Variants in CSMD1 observed in about 807,000 individuals in gnomAD.
CSMD1 encodes the protein CUB and Sushi multiple domains 1.
Under a neutral mutation model 417.5 loss-of-function variants are expected in CSMD1, and 213 were observed. The ratio of observed to expected loss-of-function variants is 0.51; its 90% CI spans 0.46 to 0.57. The LOEUF (loss-of-function observed/expected upper bound fraction) is 0.57. Ranked by LOEUF, CSMD1 falls within the 20% of genes least tolerant of loss-of-function variation. The pLI, the probability that CSMD1 is intolerant of heterozygous loss-of-function variation, is 0.00. For missense variants in CSMD1, 6,923 were observed against 4,529.7 expected (o/e 1.53, Z -15.17); for synonymous variants, 2,862 against 1,736.8 (o/e 1.65, Z -16.11).
intron 3 of CSMD1, among the ~76,000 whole-genome samples, chr8:4,377,255 G>A (rs764174458): frequency 6.6e-6 from 1 of 152,156 alleles, no homozygotes; most frequent in Non-Finnish European, 1.5e-5. Context: ...ATTAAACAAA[G>A]CAACTATCAC....
intron 3 of CSMD1, among the ~76,000 whole-genome samples, chr8:4,059,469 G>T (rs148227282): frequency 0.14 from 21,257 of 151,554 alleles, 1,200 homozygotes; most frequent in Middle Eastern, 0.24. Context: ...AAATAGAGAT[G>T]CAAATAACCC....
At chr8:4,601,408 G>C (rs535559016) in intron 2 of CSMD1, among the ~76,000 whole-genome samples, 13 of 152,274 alleles carry the variant, frequency 8.5e-5, no homozygotes, top group Admixed American at 3.3e-4. Flanking sequence ...CATTAGGATA[G>C]TTCTTCACAG....
At chr8:3,575,757 G>C (rs924554659) in intron 9 of CSMD1, among the ~76,000 whole-genome samples, 3 of 151,422 alleles carry the variant, frequency 2.0e-5, no homozygotes, top group South Asian at 2.1e-4. Flanking sequence ...GAAAGACTGA[G>C]TGAAGCATAG....
intron 6 of CSMD1, among the ~76,000 whole-genome samples, chr8:3,741,812 C>T (rs1052395714): frequency 7.2e-5 from 11 of 152,150 alleles, no homozygotes; most frequent in African/African-American, 2.4e-4. Flanking sequence ...GGCCCTTCTA[C>T]CCTTTCTTTC....
chr8:4,398,486 G>C (rs1460621080), intron 3 of CSMD1, among the ~76,000 whole-genome samples: 1 of 140,724 alleles, frequency 7.1e-6, no homozygotes, highest in African/African-American at 2.6e-5. Context: ...CTCCTCTCCT[G>C]GGTTCACGCC....
intron 5 of CSMD1, among the ~76,000 whole-genome samples, chr8:3,817,509 G>C (rs760881333): frequency 1.3e-5 from 2 of 151,772 alleles, no homozygotes; most frequent in Non-Finnish European, 2.9e-5. Context: ...TCAATCTCCT[G>C]ACCTTGTGAT....
intron 1 of CSMD1, among the ~76,000 whole-genome samples, chr8:4,947,448 T>A (rs1267936569): frequency 6.6e-6 from 1 of 152,122 alleles, no homozygotes; most frequent in African/African-American, 2.4e-5. Context: ...GAAATGTCAA[T>A]ATTTGACTTG....
chr8:3,649,736 G>T (rs1797752837), intron 7 of CSMD1, among the ~76,000 whole-genome samples: 1 of 152,094 alleles, frequency 6.6e-6, no homozygotes, highest in Non-Finnish European at 1.5e-5. Flanking sequence ...TTTGAGTGGG[G>T]ACACAAAGCC....
intron 2 of CSMD1, among the ~76,000 whole-genome samples, chr8:4,479,670 T>G (rs1168966816): frequency 6.6e-6 from 1 of 151,940 alleles, no homozygotes; most frequent in Non-Finnish European, 1.5e-5. Flanking sequence ...TCCAGGTGGG[T>G]AGACCACGAG....
chr8:4,655,035 CA>C (rs200658889), intron 1 of CSMD1, among the ~76,000 whole-genome samples: 8,482 of 143,650 alleles, frequency 0.059, 324 homozygotes, highest in East Asian at 0.099. Flanking sequence ...GATGTACCTC[CA>C]AAAAAAAAAA....
chr8:3,729,922 T>C (rs1302311825), intron 6 of CSMD1, among the ~76,000 whole-genome samples: 1 of 47,062 alleles, frequency 2.1e-5, no homozygotes, highest in African/African-American at 1.4e-4. Flanking sequence ...CAATTCAAAG[T>C]AAAAAAAAAA....
intron 3 of CSMD1, among the ~76,000 whole-genome samples, chr8:4,327,164 A>G (rs1486793902): frequency 6.6e-6 from 1 of 152,212 alleles, no homozygotes; most frequent in African/African-American, 2.4e-5. Context: ...CAAATGTTAG[A>G]TACATTATTG....
chr8:3,832,516 T>C (rs1000866860), intron 5 of CSMD1, among the ~76,000 whole-genome samples: 3 of 152,190 alleles, frequency 2.0e-5, no homozygotes, highest in Admixed American at 1.3e-4. Flanking sequence ...TAGCATCACT[T>C]ATTTTAAACT....
intron 1 of CSMD1, among the ~76,000 whole-genome samples, chr8:4,690,599 A>C (rs910076070): frequency 2.6e-5 from 4 of 152,246 alleles, no homozygotes; most frequent in Non-Finnish European, 5.9e-5. Context: ...AGCAAAAAGC[A>C]TGCTTGTTCC....
chr8:3,463,599 C>T (rs1816638851), intron 12 of CSMD1, among the ~76,000 whole-genome samples: 2 of 152,204 alleles, frequency 1.3e-5, no homozygotes, highest in African/African-American at 4.8e-5. Flanking sequence ...CATGAGCTCA[C>T]TTTCTACAAG....
At chr8:3,880,627 G>A (rs1236425638) in intron 5 of CSMD1, among the ~76,000 whole-genome samples, 2 of 152,110 alleles carry the variant, frequency 1.3e-5, no homozygotes, top group African/African-American at 2.4e-5. Flanking sequence ...TTTAAATCTA[G>A]GACATACATG....
At chr8:4,810,121 T>C (rs1415871358) in intron 1 of CSMD1, among the ~76,000 whole-genome samples, 1 of 152,196 alleles carries the variant, frequency 6.6e-6, no homozygotes, top group Non-Finnish European at 1.5e-5. Flanking sequence ...AAAACCTTAG[T>C]TAAGGATTTA....
chr8:3,486,207 C>A (rs186552109), intron 11 of CSMD1, among the ~76,000 whole-genome samples: 3 of 152,222 alleles, frequency 2.0e-5, no homozygotes, highest in South Asian at 2.1e-4. Flanking sequence ...ATTAAGACAG[C>A]GATGATAACT....
chr8:4,098,115 T>C (rs539908118), intron 3 of CSMD1, among the ~76,000 whole-genome samples: 9 of 152,316 alleles, frequency 5.9e-5, no homozygotes, highest in African/African-American at 2.2e-4. Flanking sequence ...ATTAAGATGA[T>C]CTTTCACTCA....
Sources: gnomAD v4.1 joint callset for allele counts (sites outside exome capture counted in the v4.1 genomes callset) on GRCh38, gnomAD v4.1.1 for gene constraint, MANE v1.5 for transcripts, NCBI Gene and HGNC (gene_info 2026-07-23, HGNC 2026-07-21) for gene names.